Variants in PIEZO2 observed in about 807,000 individuals in gnomAD.
The protein encoded by PIEZO2 is piezo type mechanosensitive ion channel component 2, also known as piezo-type mechanosensitive ion channel component 2.
Under a neutral mutation model 337.3 loss-of-function variants are expected in PIEZO2, and 172 were observed. The observed-to-expected ratio is 0.51, with a 90% CI of 0.45 to 0.58. The LOEUF (loss-of-function observed/expected upper bound fraction) is 0.58, where lower values mean the gene tolerates loss of function less well. Ranked by LOEUF, PIEZO2 falls within the 20% of genes least tolerant of loss-of-function variation. The pLI is 0.00. For missense variants in PIEZO2, 3,028 were observed against 3,391.3 expected, an observed-to-expected ratio of 0.89 and a Z score of 2.66; for synonymous variants, 1,251 against 1,228.5, an observed-to-expected ratio of 1.02 and a Z score of -0.38.
At chr18:10,896,455 C>T (rs530105606) in intron 4 of PIEZO2, among the ~76,000 whole-genome samples, 2 of 152,140 alleles carry the variant, frequency 1.3e-5, no homozygotes, top group South Asian at 2.1e-4. Context: ...ATATGGAATT[C>T]GATTATCTGT....
At position 11,143,213 on chromosome 18, in the gene PIEZO2, T is replaced by C. The variant is rs1197852935; in HGVS notation, c.64+5312A>G. Among the ~76,000 whole-genome samples the C allele has an allele frequency of 6.6e-6, 1 of 152,260 alleles. No homozygotes were observed. Among genetic ancestry groups the C allele is most frequent in the Admixed American group, 6.5e-5 (1 of 15,290 alleles). Reference sequence around the variant, plus strand: ...ATCAAAAATCTTATAAGCTGTAATGTTGTAGATTATACACATGGTATCATA... The same window carrying C: ...ATCAAAAATCTTATAAGCTGTAATGCTGTAGATTATACACATGGTATCATA... On this transcript the variant is annotated intron_variant, in intron 1 of 55. Transcript: ENST00000674853. This position sits in a 1 kb window ranked among gnomAD's most constrained non-coding sequence, Gnocchi z 4.9.
intron 18 of PIEZO2, among the ~76,000 whole-genome samples, chr18:10,777,832 TA>T (rs2144042772): frequency 6.6e-6 from 1 of 152,330 alleles, no homozygotes; most frequent in Non-Finnish European, 1.5e-5. Context: ...CTGTTTAAGA[TA>T]AATTATTATC....
intron 49 of PIEZO2, among the ~76,000 whole-genome samples, chr18:10,683,941 A>G (rs373976566): frequency 6.6e-6 from 1 of 151,846 alleles, no homozygotes. Context: ...CAGCCCTCAC[A>G]CTGCCTTTCC....
intron 7 of PIEZO2, among the ~76,000 whole-genome samples, chr18:10,841,899 C>T (rs1441327103): frequency 6.6e-6 from 1 of 152,142 alleles, no homozygotes; most frequent in Admixed American, 6.5e-5. Context: ...CGTGGTGGCT[C>T]ACACCTGTAA....
intron 2 of PIEZO2, among the ~76,000 whole-genome samples, chr18:11,037,378 T>G (rs1384101175): frequency 6.6e-6 from 1 of 152,232 alleles, no homozygotes; most frequent in Non-Finnish European, 1.5e-5. Context: ...TTATTGTTAA[T>G]GTATTGGTCA....
chr18:11,015,825 A>G (rs1226964230), intron 2 of PIEZO2, among the ~76,000 whole-genome samples: 1 of 152,242 alleles, frequency 6.6e-6, no homozygotes, highest in African/African-American at 2.4e-5. Context: ...AACACACACA[A>G]AAAACCCTTT....
chr18:11,051,685 C>T (rs552591973), intron 2 of PIEZO2, among the ~76,000 whole-genome samples: 5 of 152,176 alleles, frequency 3.3e-5, no homozygotes, highest in Non-Finnish European at 7.3e-5. Flanking sequence ...TAGCTGGATG[C>T]GTGTCCCCTA....
intron 32 of PIEZO2, among the ~76,000 whole-genome samples, chr18:10,741,981 G>T (rs560490031): frequency 1.3e-5 from 2 of 150,330 alleles, no homozygotes; most frequent in Admixed American, 6.6e-5. Context: ...GTGAAACCCT[G>T]TCTCTACTAA....
intron 3 of PIEZO2, among the ~76,000 whole-genome samples, chr18:10,924,221 G>A (rs562074438): frequency 9.9e-5 from 15 of 152,248 alleles, no homozygotes; most frequent in East Asian, 9.6e-4. Context: ...CTTTAGTGTC[G>A]CTTCTCTTTT....
intron 2 of PIEZO2, among the ~76,000 whole-genome samples, chr18:11,036,155 G>C (rs1419824165): frequency 6.6e-6 from 1 of 152,142 alleles, no homozygotes; most frequent in Admixed American, 6.5e-5. Flanking sequence ...TGTTCCCTTG[G>C]AGTTCCTAAA....
At chr18:10,741,297 C>G (rs1411239717) in intron 32 of PIEZO2, among the ~76,000 whole-genome samples, 195 bp from the exon 33 acceptor site, 1 of 152,110 alleles carries the variant, frequency 6.6e-6, no homozygotes, top group African/African-American at 2.4e-5. Context: ...ACTAATTGTT[C>G]TTTTAACAGT....
At chr18:10,823,919 A>C (rs2144486588) in intron 7 of PIEZO2, among the ~76,000 whole-genome samples, 1 of 152,346 alleles carries the variant, frequency 6.6e-6, no homozygotes, top group Admixed American at 6.5e-5. Flanking sequence ...AGCACACTTA[A>C]GAAAAAGTAA....
At chr18:10,985,382 A>T (rs2034832257) in intron 2 of PIEZO2, among the ~76,000 whole-genome samples, 1 of 152,066 alleles carries the variant, frequency 6.6e-6, no homozygotes, top group African/African-American at 2.4e-5. Context: ...AGTTGTTATT[A>T]ACTTAAAACA....
At chr18:10,892,057 C>T (rs1057383019) in intron 4 of PIEZO2, among the ~76,000 whole-genome samples, 2 of 152,036 alleles carry the variant, frequency 1.3e-5, no homozygotes, top group Non-Finnish European at 2.9e-5. Context: ...TAAGAGACTC[C>T]TAGAGTGAAA....
At position 10,783,014 on chromosome 18, in the gene PIEZO2, C is replaced by T. The variant is rs111723991; in HGVS notation, c.2492+1770G>A. On this transcript the variant is annotated intron_variant, in intron 17 of 55. Transcript: ENST00000674853. This position sits in a 1 kb window ranked among gnomAD's most constrained non-coding sequence, Gnocchi z 4.3. Reference sequence around the variant, plus strand: ...GGTGAATTATATCTCTGTTTGATTGCGTGACAGAAGACTCAGACACATCCA... The same window carrying T: ...GGTGAATTATATCTCTGTTTGATTGTGTGACAGAAGACTCAGACACATCCA... 2.6e-3 allele frequency among the ~76,000 whole-genome samples: 398 copies of T among 151,666 alleles called. 5 individuals are homozygous for T. Among genetic ancestry groups the T allele is most frequent in the Middle Eastern group, 0.01 (3 of 294 alleles).
At chr18:11,100,452 C>CTGT (rs1465775045) in intron 1 of PIEZO2, among the ~76,000 whole-genome samples, 1 of 152,342 alleles carries the variant, frequency 6.6e-6, no homozygotes. Context: ...GGAACTTAGC[C>CTGT]AACTCCACAG....
chr18:10,727,154 C>T lies in PIEZO2; in HGVS notation c.5029+4253G>A, dbSNP rs938629617. 4.8e-6 allele frequency: 2 copies of T among 419,866 alleles called. No homozygotes were observed. Among genetic ancestry groups the T allele is most frequent in the Admixed American group, 8.8e-5 (2 of 22,856 alleles). The allele number at this position is 419,866 out of a possible 1,614,324, so 26.0% of individuals were successfully genotyped here. A position where few individuals can be genotyped will look rare whatever the true frequency, so the allele number is the denominator to read the frequency against. The stretch of plus-strand genomic sequence containing the variant: ...TGGGGATCTGCAGCAGCATGTCTGG[C>T]AAACTGAGTCGCCCTCCTGCCTCCA... On this transcript the variant is annotated intron_variant, in intron 36 of 55. Transcript: ENST00000674853. The surrounding 1 kb of genome is among the most constrained non-coding windows in gnomAD (Gnocchi z 6.3).
chr18:10,781,189 G>A lies in PIEZO2; in HGVS notation c.2493-823C>T, dbSNP rs2038968912. 6.6e-6 allele frequency among the ~76,000 whole-genome samples: 1 copy of A among 152,042 alleles called. No individual in the cohort carries two copies. Among genetic ancestry groups the A allele is most frequent in the Non-Finnish European group, 1.5e-5 (1 of 68,004 alleles). Reference sequence around the variant, plus strand: ...AAAGAGCTATAAAAGTAATGAATATGGCCGGGTGTGGTGGCTCACGCCTGT... The same window carrying A: ...AAAGAGCTATAAAAGTAATGAATATAGCCGGGTGTGGTGGCTCACGCCTGT... On this transcript the variant is annotated intron_variant, in intron 17 of 55. Coordinates refer to ENST00000674853, the MANE Select transcript of PIEZO2 (RefSeq NM_001378183.1). This position sits in a 1 kb window ranked among gnomAD's most constrained non-coding sequence, Gnocchi z 4.1.
chr18:11,117,734 G>A (rs564272397), intron 1 of PIEZO2, among the ~76,000 whole-genome samples: 1 of 152,184 alleles, frequency 6.6e-6, no homozygotes, highest in African/African-American at 2.4e-5. Flanking sequence ...TTTAAAACAT[G>A]TTGGGTGGGA....
Sources: gnomAD v4.1 joint callset for allele counts (sites outside exome capture counted in the v4.1 genomes callset) on GRCh38, gnomAD v4.1.1 for gene constraint, Gnocchi (gnomAD v3.1) non-coding constraint, MANE v1.5 for transcripts, NCBI Gene and HGNC (gene_info 2026-07-23, HGNC 2026-07-21) for gene names.